NEB: variants seen among roughly 807,000 people sequenced by gnomAD.
NEB encodes nemaline myopathy type 2.
In NEB, 512 loss-of-function variants were observed where a neutral mutation model predicts 952.2. The observed-to-expected ratio is 0.54, with a 90% CI of 0.50 to 0.58. The LOEUF is 0.58. Ranked by LOEUF, NEB falls within the 20% of genes least tolerant of loss-of-function variation. NEB has a pLI of 0.00. For synonymous variants in NEB, 2,900 were observed against 3,149.8 expected (o/e 0.92, Z 2.66); for missense variants, 8,428 against 9,231.1 (o/e 0.91, Z 3.56).
intron 20 of NEB, chr2:151,692,574 T>C: frequency 1.7e-6 from 1 of 583,908 alleles, no homozygotes; most frequent in Non-Finnish European, 3.0e-6. Context: ...GATGTTTATG[T>C]TACTTTTCCT....
chr2:151,514,896 A>T lies in NEB; in HGVS notation c.22938T>A (p.Ile7646=), dbSNP rs967073964. ...CCAGGCCAGTCAGGTTTCTGCCTTTAATGGACTCTTCATAATCTTTCCTAT... is the reference window on the plus strand; with the variant it reads ...CCAGGCCAGTCAGGTTTCTGCCTTTTATGGACTCTTCATAATCTTTCCTAT... ...KEYRKDYEES[I]KGRNLTGLEV... Residue 7646 remains isoleucine, a synonymous_variant, in exon 158 of 182, where the codon ATT becomes ATA. Transcript: ENST00000397345. 8.2e-6 allele frequency: 13 copies of T among 1,582,090 alleles called. No individual in the cohort carries two copies. Among genetic ancestry groups the T allele is most frequent in the Non-Finnish European group, 1.0e-5 (12 of 1,162,112 alleles).
At position 151,697,644 on chromosome 2, in the gene NEB, A is replaced by G; in HGVS notation, c.1157T>C (p.Leu386Pro). The change falls in exon 14 of 182, where the codon CTA (leucine) becomes CCA (proline). Residue 386 changes from leucine (L) to proline (P), a missense_variant. Leu to Pro is a moderately conservative substitution (Grantham distance 98, BLOSUM62 -3). Transcript: ENST00000397345. ...TGTCTTTTCATAGTTTTCCTTGTATAGTTTCTGTCAAAGAAAAAAAATTCA... is the reference window on the plus strand; with the variant it reads ...TGTCTTTTCATAGTTTTCCTTGTATGGTTTCTGTCAAAGAAAAAAAATTCA... ...KAAGDALSDK[L>P]YKENYEKTKA... 1 of 1,597,226 alleles carries G rather than the reference A, an allele frequency of 6.3e-7. No homozygotes were observed. The highest frequency in any genetic ancestry group is 8.5e-7 in the Non-Finnish European group (1 of 1,174,952).
chr2:151,513,706 T>C lies in NEB; in HGVS notation c.23128-13A>G. ...GCTTATATTCTTTCTATAGTAGCAT[T>C]AAAAGAAAAAAAAAAGGTACCTAAA... On this transcript the variant is annotated splice_polypyrimidine_tract_variant and intron_variant, in intron 159 of 181. Transcript: ENST00000397345. 6.5e-7 allele frequency: 1 copy of C among 1,535,814 alleles called. No homozygotes were observed. The highest frequency in any genetic ancestry group is 8.9e-7 in the Non-Finnish European group (1 of 1,129,322).
intron 35 of NEB, 132 bp downstream of exon 35, chr2:151,675,155 T>TA (rs2099349519): frequency 6.9e-6 from 5 of 727,726 alleles, no homozygotes; most frequent in Admixed American, 2.2e-5. Flanking sequence ...GAACCATCCT[T>TA]ATGGGATATG....
chr2:151,578,606 A>G (rs1291972331), intron 105 of NEB, among the ~76,000 whole-genome samples: 1 of 150,052 alleles, frequency 6.7e-6, no homozygotes, highest in Non-Finnish European at 1.5e-5. Flanking sequence ...GGTTGCAGTG[A>G]GCTGAGACTC....
intron 176 of NEB, chr2:151,493,079 A>G: frequency 2.9e-6 from 1 of 348,698 alleles, no homozygotes; most frequent in Non-Finnish European, 5.2e-6. Context: ...ACTACCTCAA[A>G]GTATAGGGGA....
Position 151,690,841 on chromosome 2 carries a change from T to C in NEB, c.2212-16A>G, listed in dbSNP as rs773094097. The C allele has an allele frequency of 6.6e-7, 1 of 1,517,812 alleles. No homozygotes were observed. Among genetic ancestry groups the C allele is most frequent in the South Asian group, 1.2e-5 (1 of 83,754 alleles). The allele number at this position is 1,517,812 out of a possible 1,614,324, so 94.0% of individuals were successfully genotyped here. A position where few individuals can be genotyped will look rare whatever the true frequency, so the allele number is the denominator to read the frequency against. The stretch of plus-strand genomic sequence containing the variant: ...TGTAGGTATGCTAGAAAAGAAGATG[T>C]TCTTTAATGAAATATCAGTATATTC... On this transcript the variant is annotated splice_polypyrimidine_tract_variant and intron_variant, in intron 23 of 181. Transcript: ENST00000397345.
rs2099344073 is a variant in NEB, at chr2:151,674,558, G to A, written c.3906C>T (p.Asp1302=). The A allele has an allele frequency of 6.2e-7, 1 of 1,613,556 alleles. No individual in the cohort carries two copies. The highest frequency in any genetic ancestry group is 1.3e-5 in the African/African-American group (1 of 75,032). The change falls in exon 36 of 182, where the codon GAC becomes GAT. Residue 1302 remains aspartate, a synonymous_variant. Coordinates refer to ENST00000397345, the MANE Select transcript of NEB (RefSeq NM_001164508.2). Reference sequence around the variant, plus strand: ...GCACATTGTTGCCCTTGGCTATTAAGTCATACCAATCCCGTTTATAACAGA... The same window carrying A: ...GCACATTGTTGCCCTTGGCTATTAAATCATACCAATCCCGTTTATAACAGA... ...SDVCYKRDWY[D]LIAKGNNVLG...
intron 63 of NEB, among the ~76,000 whole-genome samples, chr2:151,637,169 A>G (rs1483804787): frequency 2.6e-5 from 4 of 152,192 alleles, no homozygotes; most frequent in Non-Finnish European, 5.9e-5. Context: ...CAACTGCTGA[A>G]AAGTCAAACC....
At chr2:151,702,773 G>T (rs1185198266) in intron 13 of NEB, among the ~76,000 whole-genome samples, 4 of 152,176 alleles carry the variant, frequency 2.6e-5, no homozygotes, top group Admixed American at 6.5e-5. Flanking sequence ...CTGCACGTGA[G>T]TTGGGTTTCC....
Position 151,570,713 on chromosome 2 carries a change from G to C in NEB, c.17014-112C>G, listed in dbSNP as rs1578029139. 3 of 933,454 alleles carry C rather than the reference G, an allele frequency of 3.2e-6. No homozygotes were observed. The East Asian group carries it at 7.9e-5, about 24-fold the overall frequency. The allele number at this position is 933,454 out of a possible 1,614,324, so 57.8% of individuals were successfully genotyped here. On this transcript the variant is annotated intron_variant, in intron 107 of 181. Coordinates refer to ENST00000397345, the MANE Select transcript of NEB (RefSeq NM_001164508.2). ...ACAGTTTTGAAGCCCAAGGACTTGA[G>C]AGCAGTTAAAGAAGAGCATAGATGA...
chr2:151,709,634 A>T (rs747545945), intron 12 of NEB, 22 bp downstream of exon 12: 1 of 1,530,080 alleles, frequency 6.5e-7, no homozygotes, highest in South Asian at 1.2e-5. Context: ...CCATCAAGAT[A>T]AATGGGATGA....
intron 41 of NEB, 112 bp from the exon 42 acceptor site, chr2:151,665,651 TA>T (rs2099206607): frequency 1.0e-5 from 9 of 895,186 alleles, no homozygotes; most frequent in Non-Finnish European, 1.6e-6. Context: ...AGGGGGAGAA[TA>T]ATCTGCTTTT....
At chr2:151,712,507 C>T (rs971612275) in intron 10 of NEB, among the ~76,000 whole-genome samples, 1 of 152,190 alleles carries the variant, frequency 6.6e-6, no homozygotes, top group African/African-American at 2.4e-5. Flanking sequence ...TCTTCACAGA[C>T]CACGACATGT....
At chr2:151,620,373 ATATATATATATATATATATT>A (rs2098385589) in intron 72 of NEB, among the ~76,000 whole-genome samples, 2 of 81,696 alleles carry the variant, frequency 2.4e-5, no homozygotes, top group Admixed American at 1.8e-4. Context: ...ATATATATAT[ATATATATATATATATATATT>A]TAACCAGAAT....
In NEB at chr2:151,671,123, T is replaced by C. The variant is rs2099279875; in HGVS notation, c.4406A>G (p.Glu1469Gly). Residue 1469 changes from glutamate to glycine, a missense_variant, in exon 38 of 182, where the codon GAG becomes GGG. Glu to Gly is a moderately conservative substitution (Grantham distance 98). This residue lies in a region of NEB where 2,851 missense variants were observed against 2,791.5 expected (regional missense o/e 1.02). Coordinates refer to ENST00000397345, the MANE Select transcript of NEB (RefSeq NM_001164508.2). ...KVKKAGDALN[E>G]RKYRQHPDTV... ...ATCTGGGTGCTGTCGATACTTCCTC[T>C]CATTTAATGCATCGCCTGCTTTCTT... is the stretch of plus-strand genomic sequence containing the variant. 6.2e-7 allele frequency: 1 copy of C among 1,613,992 alleles called. No homozygotes were observed. Among genetic ancestry groups the C allele is most frequent in the Non-Finnish European group, 8.5e-7 (1 of 1,179,848 alleles).
intron 61 of NEB, 78 bp from the exon 62 acceptor site, chr2:151,640,138 A>G (rs1236509446): frequency 6.6e-7 from 1 of 1,526,118 alleles, no homozygotes; most frequent in African/African-American, 1.4e-5. Context: ...GAGATCAAGT[A>G]AAAGCACTCT....
chr2:151,619,788 G>C, intron 72 of NEB, 26 bp from the exon 73 acceptor site: 1 of 1,584,992 alleles, frequency 6.3e-7, no homozygotes, highest in South Asian at 1.1e-5. Flanking sequence ...CAGTAAATAA[G>C]AAGGAAGCAC....
At position 151,498,344 on chromosome 2, in the gene NEB, G is replaced by A; in HGVS notation, c.24123C>T (p.Tyr8041=). ...GAATTCCTGTCCCCAGGTTTTCTTT[G>A]TATAGCACCTGTATGATGAGAAAGC... is the stretch of plus-strand genomic sequence containing the variant. ...HNQENFSSVL[Y]KENLGTGIPI... The change falls in exon 170 of 182, where the codon TAC becomes TAT. Residue 8041 remains tyrosine (Y), a synonymous_variant. Coordinates refer to ENST00000397345, the MANE Select transcript of NEB (RefSeq NM_001164508.2). The A allele has an allele frequency of 6.5e-7, 1 of 1,548,776 alleles. No homozygotes were observed. Among genetic ancestry groups the A allele is most frequent in the South Asian group, 1.2e-5 (1 of 83,792 alleles).
Sources: allele counts gnomAD v4.1 joint callset (sites outside exome capture counted in the v4.1 genomes callset), GRCh38; gene constraint gnomAD v4.1.1; regional missense constraint gnomAD v4.1.1; transcripts MANE v1.5; gene names NCBI Gene and HGNC (gene_info 2026-07-23, HGNC 2026-07-21).